The following TAFA5 variants were observed in gnomAD, a reference collection of about 807,000 sequenced individuals.
TAFA5 encodes the protein chemokine-like protein TAFA-5.
Under a neutral mutation model 15.3 loss-of-function variants are expected in TAFA5, and 6 were observed. The observed-to-expected ratio is 0.39, with a 90% confidence interval of 0.21 to 0.77. The LOEUF (loss-of-function observed/expected upper bound fraction) is 0.77, where lower values mean the gene tolerates loss of function less well. Ranked by LOEUF, TAFA5 falls within the 30% of genes least tolerant of loss-of-function variation. The pLI is 0.41. For synonymous variants in TAFA5, 103 were observed against 80.7 expected, an observed-to-expected ratio of 1.28 and a Z score of -1.48; for missense variants, 161 against 193.1, an observed-to-expected ratio of 0.83 and a Z score of 0.98.
At chr22:48,523,129 G>A (rs1490781458) in intron 1 of TAFA5, among the ~76,000 whole-genome samples, 1 of 152,198 alleles carries the variant, frequency 6.6e-6, no homozygotes, top group Non-Finnish European at 1.5e-5. Context: ...TCCAGCTCAC[G>A]GGCCTCCATC....
chr22:48,628,343 C>T (rs1311983566), intron 1 of TAFA5, among the ~76,000 whole-genome samples: 2 of 152,228 alleles, frequency 1.3e-5, no homozygotes, highest in Admixed American at 1.3e-4. Flanking sequence ...AGTCCCAGCC[C>T]CTCCTGCTTC....
chr22:48,693,102 C>T (rs967777180), intron 2 of TAFA5: 39 of 611,288 alleles, frequency 6.4e-5, no homozygotes, highest in East Asian at 1.7e-4. Flanking sequence ...CGACCCTGTC[C>T]GCCCACTCGG....
intron 2 of TAFA5, among the ~76,000 whole-genome samples, chr22:48,655,851 T>TTTG (rs1927223762): frequency 2.1e-5 from 3 of 141,898 alleles, no homozygotes; most frequent in South Asian, 4.8e-4. Flanking sequence ...TTTTTTTTTT[T>TTTG]TTTTTTGAGA....
rs577784081 is a variant in TAFA5, at chr22:48,606,354, TC to T, written c.113-40240del. 9.4e-4 allele frequency among the ~76,000 whole-genome samples: 143 copies of T among 152,176 alleles called. 1 individual carries two copies. The highest frequency in any genetic ancestry group is 3.3e-3 in the African/African-American group (139 of 41,522). ...AGTGGATCTCAGCCCCCAGGGATACTCCCTTCCACAAGCAGAGAAAATTCGT... is the reference window on the plus strand; with the variant it reads ...AGTGGATCTCAGCCCCCAGGGATACTCCTTCCACAAGCAGAGAAAATTCGT... On this transcript the variant is annotated intron_variant, in intron 1 of 3. Coordinates refer to ENST00000402357, the MANE Select transcript of TAFA5 (RefSeq NM_001082967.3).
rs550634738 is a variant in TAFA5 at position 48,742,424 on chromosome 22, C to T, written c.391-7415C>T. Among the ~76,000 whole-genome samples the T allele has an allele frequency of 6.6e-6, 1 of 152,344 alleles. No individual in the cohort carries two copies. Among genetic ancestry groups the T allele is most frequent in the East Asian group, 1.9e-4 (1 of 5,182 alleles). The stretch of plus-strand genomic sequence containing the variant: ...TAACACAGCAAGAGCCCAGCCAGAG[C>T]AGGTGGGGCAGGAGACGGGTGGAGC... On this transcript the variant is annotated intron_variant, in intron 3 of 3. Transcript: ENST00000402357. This position sits in a 1 kb window ranked among gnomAD's most constrained non-coding sequence, Gnocchi z 6.2.
At chr22:48,657,364 G>C (rs919976249) in intron 2 of TAFA5, among the ~76,000 whole-genome samples, 1 of 152,182 alleles carries the variant, frequency 6.6e-6, no homozygotes, top group Non-Finnish European at 1.5e-5. Context: ...CCTATGTTAA[G>C]TAAAAACAAG....
intron 1 of TAFA5, among the ~76,000 whole-genome samples, chr22:48,642,107 G>A (rs569661126): frequency 2.6e-5 from 4 of 152,072 alleles, no homozygotes; most frequent in African/African-American, 9.6e-5. Context: ...TGGTGAAGGG[G>A]CCTGTGCTTT....
chr22:48,739,375 G>A (rs1243773285), intron 3 of TAFA5, among the ~76,000 whole-genome samples: 1 of 152,184 alleles, frequency 6.6e-6, no homozygotes, highest in Non-Finnish European at 1.5e-5. Flanking sequence ...TTCTGTCAAA[G>A]CTAAGCGAAA....
At chr22:48,500,092 TG>T (rs1384621648) in intron 1 of TAFA5, among the ~76,000 whole-genome samples, 1 of 152,078 alleles carries the variant, frequency 6.6e-6, no homozygotes, top group Admixed American at 6.5e-5. Flanking sequence ...TTTTCCTCTT[TG>T]GGCCTCAGTT....
At chr22:48,540,654 C>T (rs568151005) in intron 1 of TAFA5, among the ~76,000 whole-genome samples, 1 of 150,240 alleles carries the variant, frequency 6.7e-6, no homozygotes, top group East Asian at 2.0e-4. Flanking sequence ...AGCCTCGCTT[C>T]CTTTTCTTTT....
intron 1 of TAFA5, among the ~76,000 whole-genome samples, chr22:48,567,498 TG>T (rs1923446534): frequency 6.6e-6 from 1 of 152,146 alleles, no homozygotes; most frequent in South Asian, 2.1e-4. Context: ...AGGGTGATCG[TG>T]GGTGCGGGTC....
At chr22:48,667,065 C>A (rs1319716291) in intron 2 of TAFA5, among the ~76,000 whole-genome samples, 1 of 148,462 alleles carries the variant, frequency 6.7e-6, no homozygotes, top group Non-Finnish European at 1.5e-5. Context: ...GAGGGCAAGT[C>A]GGGTGAGATC....
chr22:48,490,778 CAAA>C lies in TAFA5; in HGVS notation c.112+1088_112+1090del, dbSNP rs377764643. On this transcript the variant is annotated intron_variant, in intron 1 of 3. Transcript: ENST00000402357. The surrounding 1 kb of genome is among the most constrained non-coding windows in gnomAD (Gnocchi z 5.8). ...GTGATGGAAAAATATGGATTCTTTA[CAAA>C]AAAAAAAAAAAAAGGCCAGCACCGA... 6.0e-5 allele frequency among the ~76,000 whole-genome samples: 5 copies of C among 83,504 alleles called. No homozygotes were observed. Among genetic ancestry groups the C allele is most frequent in the African/African-American group, 1.9e-4 (4 of 21,382 alleles). The allele number at this position is 83,504 out of a possible 152,430, so 54.8% of individuals were successfully genotyped here.
chr22:48,590,994 G>A (rs1223400897), intron 1 of TAFA5, among the ~76,000 whole-genome samples: 1 of 152,126 alleles, frequency 6.6e-6, no homozygotes, highest in Non-Finnish European at 1.5e-5. Context: ...TGGGATTACA[G>A]GCGCCCATCA....
intron 2 of TAFA5, among the ~76,000 whole-genome samples, chr22:48,669,658 C>T (rs992917477): frequency 6.6e-6 from 1 of 152,236 alleles, no homozygotes; most frequent in African/African-American, 2.4e-5. Flanking sequence ...AGCCTTTCCT[C>T]CCTGAGCCAG....
chr22:48,627,175 G>A (rs1015352108), intron 1 of TAFA5, among the ~76,000 whole-genome samples: 1 of 152,236 alleles, frequency 6.6e-6, no homozygotes, highest in Admixed American at 6.5e-5. Context: ...AGGTTAAGCA[G>A]AAGAAACCTG....
At chr22:48,743,511 A>T (rs1347692650) in intron 3 of TAFA5, among the ~76,000 whole-genome samples, 2 of 152,180 alleles carry the variant, frequency 1.3e-5, no homozygotes, top group Admixed American at 1.3e-4. Context: ...TGGGGTCAGG[A>T]TCTTCATGTC....
chr22:48,747,414 A>C (rs1003446090), intron 3 of TAFA5, among the ~76,000 whole-genome samples: 9 of 152,246 alleles, frequency 5.9e-5, no homozygotes, highest in African/African-American at 2.2e-4. Context: ...AAGAAGCCAA[A>C]GGCTTCCTGA....
intron 2 of TAFA5, among the ~76,000 whole-genome samples, chr22:48,675,503 C>A (rs1026247045): frequency 1.3e-5 from 2 of 152,260 alleles, no homozygotes; most frequent in Admixed American, 1.3e-4. Context: ...GTTATCAGGG[C>A]AGCAAAAGGG....
Sources: gnomAD v4.1 joint callset for allele counts (sites outside exome capture counted in the v4.1 genomes callset) on GRCh38, gnomAD v4.1.1 for gene constraint, Gnocchi (gnomAD v3.1) non-coding constraint, MANE v1.5 for transcripts, NCBI Gene and HGNC (gene_info 2026-07-23, HGNC 2026-07-21) for gene names.